Variants in ARHGAP11B observed in about 807,000 individuals in gnomAD.
ARHGAP11B encodes Rho GTPase activating protein 11B, also known as inactive Rho GTPase-activating protein 11B.
In ARHGAP11B, 14 loss-of-function variants were observed where a neutral mutation model predicts 27.6. That is an observed-to-expected ratio of 0.51 (90% CI 0.34 to 0.79). The LOEUF is 0.79. Among genes scored for constraint, ARHGAP11B ranks in the 30% least tolerant of loss-of-function variants. ARHGAP11B has a pLI of 0.02. For missense variants in ARHGAP11B, 245 were observed against 320.1 expected (o/e 0.77, Z 1.79); for synonymous variants, 82 against 114.1 (o/e 0.72, Z 1.80).
At chr15:30,638,835 T>C (rs935556490) in intron 7 of ARHGAP11B, 25 bp downstream of exon 7, 26 of 1,304,864 alleles carry the variant, frequency 2.0e-5, no homozygotes, top group Middle Eastern at 1.9e-4. Flanking sequence ...GTATTTATTA[T>C]ATGCATTTAT....
chr15:30,638,398 C>T (rs1012761520), intron 6 of ARHGAP11B, among the ~76,000 whole-genome samples: 3 of 151,506 alleles, frequency 2.0e-5, no homozygotes, highest in Non-Finnish European at 4.4e-5. Flanking sequence ...TACTTTTATT[C>T]GTGCCTCCAT....
At chr15:30,642,428 G>A (rs1421187128) in intron 7 of ARHGAP11B, among the ~76,000 whole-genome samples, 1 of 151,978 alleles carries the variant, frequency 6.6e-6, no homozygotes, top group Non-Finnish European at 1.5e-5. Context: ...GATTAGGAAT[G>A]TGTTATAGAA....
At chr15:30,639,035 T>C (rs2060299345) in intron 7 of ARHGAP11B, among the ~76,000 whole-genome samples, 1 of 152,006 alleles carries the variant, frequency 6.6e-6, no homozygotes. Flanking sequence ...AAAATTTTTT[T>C]AGTTTCCTAT....
chr15:30,649,084 T>C (rs1159262544), exon 11 of ARHGAP11B: 1 of 152,044 alleles, frequency 6.6e-6, no homozygotes, highest in Non-Finnish European at 1.5e-5. Context: ...CCAAGTACAG[T>C]CATCCCTCTG....
intron 8 of ARHGAP11B, chr15:30,646,062 C>T (rs76497592): frequency 1.2e-5 from 5 of 433,626 alleles, no homozygotes; most frequent in African/African-American, 2.1e-5. Context: ...GTAATGTTTC[C>T]AGCAGTTGTT....
chr15:30,626,763 T>G lies in ARHGAP11B; in HGVS notation c.-58T>G, dbSNP rs2060210121. On this transcript the variant is annotated 5_prime_UTR_variant, in exon 1 of 11. Transcript: ENST00000428041. ...GAGAGCGTTTGGAAATTGGAAGACT[T>G]GGTGGCGAACGAGGGTCAGGACCTG... 7.0e-6 allele frequency: 11 copies of G among 1,562,988 alleles called. No individual in the cohort carries two copies. The South Asian group carries it at 1.1e-4, about 15-fold the overall frequency.
At position 30,626,947 on chromosome 15, in the gene ARHGAP11B, G is replaced by C. The variant is rs145555407; in HGVS notation, c.127G>C (p.Gly43Arg). 902 of 1,613,224 alleles carry C rather than the reference G, an allele frequency of 5.6e-4. 6 individuals are homozygous for C. In the African/African-American group the frequency reaches 0.01, roughly 19 times the overall value. ...ACATGAAACAGCAGCCACGGAAATA[G>C]GGGTAAGTTCTGTGAAAAGGGATTT... Residue 43 changes from glycine (G) to arginine (R), a missense_variant and splice_region_variant, in exon 1 of 11, where the codon GGG (glycine) becomes CGG (arginine). Coordinates refer to ENST00000428041, the Ensembl canonical transcript of ARHGAP11B.
At chr15:30,629,952 C>T (rs76266206) in intron 1 of ARHGAP11B, among the ~76,000 whole-genome samples, 4 of 152,154 alleles carry the variant, frequency 2.6e-5, no homozygotes, top group East Asian at 1.9e-4. Flanking sequence ...TTCGAATGCA[C>T]GCACAAAGAT....
At chr15:30,638,514 C>A (rs2060295554) in intron 6 of ARHGAP11B, among the ~76,000 whole-genome samples, 1 of 151,604 alleles carries the variant, frequency 6.6e-6, no homozygotes, top group Non-Finnish European at 1.5e-5. Context: ...TATTACATTT[C>A]TTTCTGTATT....
At chr15:30,641,035 C>G (rs2060311912) in intron 7 of ARHGAP11B, among the ~76,000 whole-genome samples, 1 of 151,722 alleles carries the variant, frequency 6.6e-6, no homozygotes, top group African/African-American at 2.4e-5. Flanking sequence ...ATACTGATTC[C>G]TTCTTCTCCT....
intron 1 of ARHGAP11B, among the ~76,000 whole-genome samples, chr15:30,628,225 C>G (rs1401930606): frequency 6.6e-6 from 1 of 151,820 alleles, no homozygotes; most frequent in Non-Finnish European, 1.5e-5. Context: ...GAACTACAGG[C>G]GTCCGCCACC....
chr15:30,639,312 C>G (rs1409843429), intron 7 of ARHGAP11B, among the ~76,000 whole-genome samples: 1 of 151,058 alleles, frequency 6.6e-6, no homozygotes, highest in Non-Finnish European at 1.5e-5. Context: ...TGTTTCAACT[C>G]CTTGATTGTA....
chr15:30,647,012 C>T (rs764219400), intron 9 of ARHGAP11B, among the ~76,000 whole-genome samples: 1 of 151,880 alleles, frequency 6.6e-6, no homozygotes, highest in East Asian at 1.9e-4. Context: ...GACCTTTTCC[C>T]TTCTCATCAG....
At chr15:30,640,182 C>T (rs1193450513) in intron 7 of ARHGAP11B, among the ~76,000 whole-genome samples, 1 of 134,760 alleles carries the variant, frequency 7.4e-6, no homozygotes, top group African/African-American at 2.8e-5. Context: ...TTGAGGTTGC[C>T]AGATGTTTGA....
chr15:30,648,005 C>T (rs564821464), intron 10 of ARHGAP11B, among the ~76,000 whole-genome samples: 40 of 152,014 alleles, frequency 2.6e-4, no homozygotes, highest in African/African-American at 8.2e-4. Flanking sequence ...CTCTATGTTG[C>T]CCAGGCTGGT....
chr15:30,636,569 G>T (rs1229463275), intron 6 of ARHGAP11B, among the ~76,000 whole-genome samples: 2 of 151,772 alleles, frequency 1.3e-5, no homozygotes, highest in Non-Finnish European at 2.9e-5. Flanking sequence ...TACCTCCTTT[G>T]TAGATAGGAT....
intron 7 of ARHGAP11B, among the ~76,000 whole-genome samples, chr15:30,641,140 G>T (rs993601884): frequency 5.3e-5 from 8 of 151,756 alleles, no homozygotes; most frequent in Non-Finnish European, 1.2e-4. Flanking sequence ...AAATTTAAAA[G>T]TTCAACAATA....
At chr15:30,648,421 G>T (rs1447447491) in exon 11 of ARHGAP11B, among the ~76,000 whole-genome samples, 2 of 151,894 alleles carry the variant, frequency 1.3e-5, no homozygotes, top group Non-Finnish European at 2.9e-5. Flanking sequence ...TCCTGGGGAG[G>T]GTGAGTGGAA....
intron 10 of ARHGAP11B, among the ~76,000 whole-genome samples, chr15:30,647,978 A>T (rs1373350703): frequency 1.3e-5 from 2 of 151,938 alleles, no homozygotes; most frequent in Non-Finnish European, 2.9e-5. Context: ...TTTTATTTTC[A>T]TAGAGACAAG....
Sources: gnomAD v4.1 joint callset for allele counts (sites outside exome capture counted in the v4.1 genomes callset) on GRCh38, gnomAD v4.1.1 for gene constraint, MANE v1.5 for transcripts, NCBI Gene and HGNC (gene_info 2026-07-23, HGNC 2026-07-21) for gene names.